HACE1: variants seen among roughly 807,000 people sequenced by gnomAD.
HACE1 encodes E3 ubiquitin-protein ligase HACE1.
HACE1 carries 73 observed loss-of-function variants against 118.4 expected under a neutral mutation model. The observed-to-expected ratio is 0.62, with a 90% CI of 0.51 to 0.75. The LOEUF is 0.75. Ranked by LOEUF, HACE1 falls within the 30% of genes least tolerant of loss-of-function variation. The probability of loss-of-function intolerance (pLI) is 0.00; values close to 1 mark genes in which losing one functional copy is unlikely to be tolerated. For synonymous variants in HACE1, 368 were observed against 374.8 expected, an observed-to-expected ratio of 0.98 and a Z score of 0.21; for missense variants, 749 against 1,102.2, an observed-to-expected ratio of 0.68 and a Z score of 4.54.
intron 22 of HACE1, among the ~76,000 whole-genome samples, chr6:104,736,970 TAAAATAA>T (rs1775912856): frequency 6.6e-6 from 1 of 152,002 alleles, no homozygotes; most frequent in Non-Finnish European, 1.5e-5. Context: ...ACACTACTTT[TAAAATAA>T]AAAACACAGT....
chr6:104,804,337 C>G (rs1055391308), intron 7 of HACE1, among the ~76,000 whole-genome samples: 2 of 152,220 alleles, frequency 1.3e-5, no homozygotes, highest in African/African-American at 4.8e-5. Context: ...CAACCAATGA[C>G]TTTCTTCACA....
intron 6 of HACE1, among the ~76,000 whole-genome samples, chr6:104,828,473 G>A (rs940242560): frequency 2.0e-5 from 3 of 151,898 alleles, no homozygotes; most frequent in Admixed American, 6.6e-5. Flanking sequence ...AGTATCCAAA[G>A]ACATACCAGA....
chr6:104,784,377 G>A (rs756240153), intron 13 of HACE1, 40 bp downstream of exon 13: 27 of 1,306,076 alleles, frequency 2.1e-5, no homozygotes, highest in South Asian at 1.2e-5. Context: ...GTAAAGAGAG[G>A]AAAGGCTAGC....
At chr6:104,838,130 A>C (rs1774728972) in intron 5 of HACE1, among the ~76,000 whole-genome samples, 3 of 152,186 alleles carry the variant, frequency 2.0e-5, no homozygotes, top group Admixed American at 2.0e-4. Context: ...TGTCCATACT[A>C]CTCAAAGCAA....
chr6:104,735,462 C>T (rs1775714957), intron 22 of HACE1, among the ~76,000 whole-genome samples: 1 of 152,040 alleles, frequency 6.6e-6, no homozygotes, highest in African/African-American at 2.4e-5. Context: ...GAAACCCCGC[C>T]TCTACTAAAA....
intron 5 of HACE1, among the ~76,000 whole-genome samples, chr6:104,834,776 A>C (rs1188162191): frequency 6.6e-6 from 1 of 152,144 alleles, no homozygotes; most frequent in African/African-American, 2.4e-5. Flanking sequence ...AGATCACAGG[A>C]CTCCCAAAAG....
chr6:104,815,342 A>G (rs1772002537), intron 6 of HACE1, among the ~76,000 whole-genome samples: 1 of 137,246 alleles, frequency 7.3e-6, no homozygotes, highest in African/African-American at 2.9e-5. Flanking sequence ...AACTTGAAAG[A>G]GATGAATTAG....
chr6:104,742,965 T>C (rs1167827212), intron 22 of HACE1, among the ~76,000 whole-genome samples: 1 of 152,030 alleles, frequency 6.6e-6, no homozygotes, highest in African/African-American at 2.4e-5. Context: ...ATAAACACCA[T>C]GGAATACTAT....
At chr6:104,789,580 A>T (rs1782797227) in intron 11 of HACE1, among the ~76,000 whole-genome samples, 1 of 152,268 alleles carries the variant, frequency 6.6e-6, no homozygotes, top group South Asian at 2.1e-4. Flanking sequence ...GTGTAGGTAG[A>T]AAACTAACAT....
chr6:104,741,805 A>C (rs1247661352), intron 22 of HACE1, among the ~76,000 whole-genome samples: 1 of 141,168 alleles, frequency 7.1e-6, no homozygotes, highest in Non-Finnish European at 1.5e-5. Context: ...AACTGGAAAA[A>C]ACTACTTTAA....
chr6:104,747,311 G>A (rs1462183158), intron 20 of HACE1, among the ~76,000 whole-genome samples: 2 of 152,010 alleles, frequency 1.3e-5, no homozygotes, highest in Non-Finnish European at 2.9e-5. Flanking sequence ...AAGCAGCACA[G>A]TATGGAAGAA....
rs1244347206 is a variant in HACE1 at position 104,777,321 on chromosome 6, G to A, written c.1567-4C>T. ...ATTCACAGCGATCTTTAAAAGGCTA[G>A]CTCAAAAAATAAGAGTAAAATATGT... is the stretch of plus-strand genomic sequence containing the variant. On this transcript the variant is annotated splice_region_variant and splice_polypyrimidine_tract_variant and intron_variant, in intron 14 of 23. Coordinates refer to ENST00000262903, the MANE Select transcript of HACE1 (RefSeq NM_020771.4). 3 of 1,577,970 alleles carry A rather than the reference G, an allele frequency of 1.9e-6. No individual in the cohort carries two copies. The highest frequency in any genetic ancestry group is 2.6e-6 in the Non-Finnish European group (3 of 1,147,076).
chr6:104,763,726 G>A (rs995119580), intron 19 of HACE1, among the ~76,000 whole-genome samples: 3 of 152,118 alleles, frequency 2.0e-5, no homozygotes, highest in African/African-American at 7.2e-5. Context: ...CAGGCTTTCT[G>A]TTTCCATCTG....
At position 104,812,375 on chromosome 6, in the gene HACE1, G is replaced by A. The variant is rs543878947; in HGVS notation, c.535-982C>T. Reference sequence around the variant, plus strand: ...GTGGGAGGATCATTTGAGCCCAGGAGTTCAAGGCTACTATGAATTATATTA... The same window carrying A: ...GTGGGAGGATCATTTGAGCCCAGGAATTCAAGGCTACTATGAATTATATTA... On this transcript the variant is annotated intron_variant, in intron 6 of 23. Transcript: ENST00000262903. 2.6e-5 allele frequency among the ~76,000 whole-genome samples: 4 copies of A among 152,030 alleles called. No homozygotes were observed. The South Asian group carries it at 8.3e-4, about 32-fold the overall frequency.
At position 104,772,008 on chromosome 6, in the gene HACE1, G is replaced by C; in HGVS notation, c.1931C>G (p.Ala644Gly). Residue 644 changes from alanine to glycine, a missense_variant, in exon 18 of 24, where the codon GCT (alanine) becomes GGT (glycine). Ala to Gly is a moderately conservative substitution (Grantham distance 60, BLOSUM62 0). Transcript: ENST00000262903. The stretch of plus-strand genomic sequence containing the variant: ...CAACGCTAATCCCAAGATCTGCCCA[G>C]CAAACCGAAAATAGTTCAAGTGATC... ...NPDHLNYFRFAGQILGLALNH... is the reference protein window; with the variant it reads ...NPDHLNYFRFGGQILGLALNH... The C allele has an allele frequency of 6.2e-7, 1 of 1,609,494 alleles. No homozygotes were observed. The highest frequency in any genetic ancestry group is 1.1e-5 in the South Asian group (1 of 90,918).
chr6:104,784,356 T>A lies in HACE1; in HGVS notation c.1478+61A>T, dbSNP rs1165979031. 5 of 1,128,264 alleles carry A rather than the reference T, an allele frequency of 4.4e-6. No individual in the cohort carries two copies. In the South Asian group the frequency reaches 4.9e-5, roughly 11 times the overall value. The allele number at this position is 1,128,264 out of a possible 1,614,324, so 69.9% of individuals were successfully genotyped here. On this transcript the variant is annotated intron_variant, in intron 13 of 23. Transcript: ENST00000262903. The stretch of plus-strand genomic sequence containing the variant: ...AGAAATAGTATTTTTTCTGTTTAGA[T>A]GAAACTGTAAGTAAAGAGAGGAAAG...
intron 22 of HACE1, among the ~76,000 whole-genome samples, chr6:104,738,807 A>G (rs1776254720): frequency 6.8e-6 from 1 of 148,038 alleles, no homozygotes; most frequent in Admixed American, 6.8e-5. Context: ...AGATTCAGGA[A>G]ATACAGAGAA....
intron 5 of HACE1, among the ~76,000 whole-genome samples, chr6:104,838,249 A>T (rs2499659): frequency 0.44 from 66,355 of 152,050 alleles, 16,084 homozygotes; most frequent in East Asian, 0.58. Context: ...AGAATAGCAA[A>T]AGCCATCCTG....
chr6:104,738,892 G>A (rs1776268262), intron 22 of HACE1, among the ~76,000 whole-genome samples: 1 of 151,064 alleles, frequency 6.6e-6, no homozygotes, highest in Non-Finnish European at 1.5e-5. Flanking sequence ...TGAAATGAAG[G>A]AAAAAATGTT....
Sources: allele counts gnomAD v4.1 joint callset (sites outside exome capture counted in the v4.1 genomes callset), GRCh38; gene constraint gnomAD v4.1.1; transcripts MANE v1.5; gene names NCBI Gene and HGNC (gene_info 2026-07-23, HGNC 2026-07-21).